Variants in MACROD2 observed in about 807,000 individuals in gnomAD.
The protein encoded by MACROD2 is ADP-ribose glycohydrolase MACROD2.
Under a neutral mutation model 70.4 loss-of-function variants are expected in MACROD2, and 36 were observed. That is an observed-to-expected ratio of 0.51 (90% confidence interval 0.39 to 0.68). The LOEUF is 0.68. Among genes scored for constraint, MACROD2 ranks in the 30% least tolerant of loss-of-function variants. MACROD2 has a pLI of 0.00. For missense variants in MACROD2, 496 were observed against 538.4 expected, an observed-to-expected ratio of 0.92 and a Z score of 0.78; for synonymous variants, 172 against 178.8, an observed-to-expected ratio of 0.96 and a Z score of 0.30.
At chr20:15,085,858 AAC>A (rs5840651) in intron 5 of MACROD2, among the ~76,000 whole-genome samples, 98 of 135,850 alleles carry the variant, frequency 7.2e-4, no homozygotes, top group African/African-American at 2.5e-3. Flanking sequence ...AAAGATGAAT[AAC>A]ACACACACAC....
intron 6 of MACROD2, among the ~76,000 whole-genome samples, chr20:15,388,411 C>T (rs1326126448): frequency 1.3e-5 from 2 of 152,164 alleles, no homozygotes; most frequent in African/African-American, 2.4e-5. Flanking sequence ...TTATTTATTA[C>T]TCCCTTAATA....
At chr20:15,748,016 A>G (rs1223170985) in intron 8 of MACROD2, among the ~76,000 whole-genome samples, 5 of 152,120 alleles carry the variant, frequency 3.3e-5, no homozygotes, top group Admixed American at 3.3e-4. Flanking sequence ...AAACAGGGTA[A>G]GCATAGCTCT....
At chr20:14,471,607 C>G (rs2084531605) in intron 3 of MACROD2, among the ~76,000 whole-genome samples, 1 of 152,064 alleles carries the variant, frequency 6.6e-6, no homozygotes. Context: ...ACATTCTAAG[C>G]AACAAAATAA....
chr20:14,519,973 G>A (rs1317561184), intron 4 of MACROD2, among the ~76,000 whole-genome samples: 3 of 152,138 alleles, frequency 2.0e-5, no homozygotes, highest in East Asian at 3.9e-4. Flanking sequence ...ACAGAAAACC[G>A]AATACCACAT....
At chr20:14,779,108 G>A (rs897186146) in intron 5 of MACROD2, among the ~76,000 whole-genome samples, 5 of 151,898 alleles carry the variant, frequency 3.3e-5, no homozygotes, top group African/African-American at 1.2e-4. Context: ...ATTTGGGGTG[G>A]GAGAAAAAAA....
intron 6 of MACROD2, among the ~76,000 whole-genome samples, chr20:15,350,907 T>C (rs2068274449): frequency 6.6e-6 from 1 of 152,102 alleles, no homozygotes; most frequent in African/African-American, 2.4e-5. Context: ...CTCCATACAT[T>C]GAATTCCAGA....
chr20:14,191,802 C>T (rs1357088299), intron 3 of MACROD2, among the ~76,000 whole-genome samples: 3 of 152,168 alleles, frequency 2.0e-5, no homozygotes, highest in African/African-American at 7.2e-5. Flanking sequence ...GGTCAGTTGG[C>T]TCATGCAGAG....
At chr20:14,410,156 A>C (rs532692279) in intron 3 of MACROD2, among the ~76,000 whole-genome samples, 37 of 151,974 alleles carry the variant, frequency 2.4e-4, no homozygotes, top group African/African-American at 8.7e-4. Flanking sequence ...AGCATGCTTA[A>C]GAATCTTGAA....
At chr20:14,103,975 A>T (rs2054334071) in intron 3 of MACROD2, among the ~76,000 whole-genome samples, 1 of 152,174 alleles carries the variant, frequency 6.6e-6, no homozygotes, top group South Asian at 2.1e-4. Flanking sequence ...TGAAAGTTTT[A>T]AAACTTTTTT....
At chr20:14,887,771 A>G (rs2073698537) in intron 5 of MACROD2, among the ~76,000 whole-genome samples, 1 of 152,018 alleles carries the variant, frequency 6.6e-6, no homozygotes, top group Non-Finnish European at 1.5e-5. Context: ...AATGGGTAAG[A>G]CTGGAGAAGG....
chr20:15,085,778 A>T (rs1373031347), intron 5 of MACROD2, among the ~76,000 whole-genome samples: 4 of 152,062 alleles, frequency 2.6e-5, no homozygotes, highest in Non-Finnish European at 5.9e-5. Flanking sequence ...CACTAACATG[A>T]TTCAAAACAA....
At chr20:14,551,982 CAGTGACTGAAT>C (rs1464609582) in intron 4 of MACROD2, among the ~76,000 whole-genome samples, 1 of 152,004 alleles carries the variant, frequency 6.6e-6, no homozygotes, top group Non-Finnish European at 1.5e-5. Context: ...TTCAAGATAG[CAGTGACTGAAT>C]ATTGCACTTA....
chr20:15,196,474 TGGTGAATG>T (rs1214946678), intron 5 of MACROD2, among the ~76,000 whole-genome samples: 1 of 152,148 alleles, frequency 6.6e-6, no homozygotes, highest in Non-Finnish European at 1.5e-5. Context: ...GATACAAAAT[TGGTGAATG>T]TCTTAGAGGA....
At chr20:15,525,410 A>T (rs2146536771) in intron 8 of MACROD2, among the ~76,000 whole-genome samples, 1 of 152,324 alleles carries the variant, frequency 6.6e-6, no homozygotes, top group Non-Finnish European at 1.5e-5. Context: ...TTCCTTTACA[A>T]CAGTATGTCC....
At chr20:14,938,940 ATTTTTTTT>A (rs1230863391) in intron 5 of MACROD2, among the ~76,000 whole-genome samples, 1 of 86,458 alleles carries the variant, frequency 1.2e-5, no homozygotes, top group African/African-American at 4.2e-5. Context: ...GTTAAATCAG[ATTTTTTTT>A]TTTTTTTTTT....
intron 5 of MACROD2, among the ~76,000 whole-genome samples, chr20:14,732,243 A>G (rs929807590): frequency 2.6e-5 from 4 of 152,148 alleles, no homozygotes; most frequent in Non-Finnish European, 5.9e-5. Flanking sequence ...AGCAACATCT[A>G]TTGGGAAAAA....
intron 8 of MACROD2, among the ~76,000 whole-genome samples, chr20:15,560,002 A>G (rs1223784324): frequency 1.3e-5 from 2 of 152,222 alleles, no homozygotes; most frequent in Non-Finnish European, 2.9e-5. Context: ...TCAAACTGCA[A>G]TACTTTTTAT....
Position 14,292,514 on chromosome 20 carries a change from G to A in MACROD2, c.272-200965G>A, listed in dbSNP as rs144726065. Among the ~76,000 whole-genome samples the A allele has an allele frequency of 8.2e-3, 1,253 of 152,030 alleles. 12 individuals are homozygous for A. Among genetic ancestry groups the A allele is most frequent in the South Asian group, 0.013 (65 of 4,818 alleles). ...GAGTAGGACATCAACAGTGACTGCT[G>A]CACCTTTCTTTTTATGTATGCCCTG... On this transcript the variant is annotated intron_variant, in intron 3 of 17. Coordinates refer to ENST00000684519, the MANE Select transcript of MACROD2 (RefSeq NM_001351661.2).
At chr20:16,008,108 C>T (rs2066814148) in intron 15 of MACROD2, among the ~76,000 whole-genome samples, 1 of 152,168 alleles carries the variant, frequency 6.6e-6, no homozygotes. Flanking sequence ...ATTTTCCTGA[C>T]GTTTCTGCTG....
Sources: gnomAD v4.1 joint callset for allele counts (sites outside exome capture counted in the v4.1 genomes callset) on GRCh38, gnomAD v4.1.1 for gene constraint, MANE v1.5 for transcripts, NCBI Gene and HGNC (gene_info 2026-07-23, HGNC 2026-07-21) for gene names.